CCDC30: variants seen among roughly 807,000 people sequenced by gnomAD.
The protein encoded by CCDC30 is coiled-coil domain-containing protein 30.
A neutral mutation model predicts 100.2 loss-of-function variants in CCDC30; 70 were observed. The observed-to-expected ratio is 0.70, with a 90% CI of 0.58 to 0.85. The LOEUF is 0.85. Among genes scored for constraint, CCDC30 ranks in the 40% least tolerant of loss-of-function variants. The pLI is 0.00. For synonymous variants in CCDC30, 233 were observed against 269.5 expected, an observed-to-expected ratio of 0.86 and a Z score of 1.33; for missense variants, 652 against 771.2, an observed-to-expected ratio of 0.85 and a Z score of 1.83.
chr1:42,499,455 T>C (rs761217161), intron 6 of CCDC30, among the ~76,000 whole-genome samples: 4 of 152,060 alleles, frequency 2.6e-5, no homozygotes, highest in Non-Finnish European at 4.4e-5. Flanking sequence ...TCTGCATTCT[T>C]AAAAAATTTA....
chr1:42,486,994 G>A (rs2148461807), intron 3 of CCDC30, among the ~76,000 whole-genome samples: 1 of 151,926 alleles, frequency 6.6e-6, no homozygotes, highest in South Asian at 2.1e-4. Context: ...TGGCATAGCT[G>A]GGCACAGTAG....
At chr1:42,514,800 C>T (rs1411621481) in intron 6 of CCDC30, among the ~76,000 whole-genome samples, 3 of 152,072 alleles carry the variant, frequency 2.0e-5, no homozygotes, top group Non-Finnish European at 2.9e-5. Context: ...ATTATAGGCA[C>T]CTGCCATCAT....
chr1:42,501,641 T>G (rs1416498193), intron 6 of CCDC30, among the ~76,000 whole-genome samples: 1 of 152,240 alleles, frequency 6.6e-6, no homozygotes, highest in Non-Finnish European at 1.5e-5. Flanking sequence ...TTGGTGTGGA[T>G]GTCCTTTCTG....
At chr1:42,481,626 A>G (rs1016868288) in intron 2 of CCDC30, among the ~76,000 whole-genome samples, 7 of 147,994 alleles carry the variant, frequency 4.7e-5, no homozygotes, top group Non-Finnish European at 1.0e-4. Flanking sequence ...CATATTTTTT[A>G]TTTACAAATA....
intron 6 of CCDC30, among the ~76,000 whole-genome samples, chr1:42,511,270 A>C (rs1177600432): frequency 6.6e-6 from 1 of 152,036 alleles, no homozygotes; most frequent in Non-Finnish European, 1.5e-5. Context: ...CTAGTCCTCC[A>C]CTTGTGATTT....
rs12042006 is a variant in CCDC30, at chr1:42,569,949, C to T, written c.636+3474C>T. 1.8e-4 allele frequency among the ~76,000 whole-genome samples: 28 copies of T among 151,786 alleles called. 1 individual carries two copies. Among genetic ancestry groups the T allele is most frequent in the African/African-American group, 5.6e-4 (23 of 41,382 alleles). ...AATGAGAACACATGGACACAGGGAG[C>T]GGAACATTACACACCAGGGCCTGTC... On this transcript the variant is annotated intron_variant, in intron 7 of 16. Coordinates refer to ENST00000668663, the Ensembl canonical transcript of CCDC30.
chr1:42,516,269 T>A (rs1225413243), intron 6 of CCDC30, among the ~76,000 whole-genome samples: 1 of 152,162 alleles, frequency 6.6e-6, no homozygotes, highest in Non-Finnish European at 1.5e-5. Flanking sequence ...ATGGTTTGGA[T>A]ATGGCTTGTC....
At chr1:42,601,846 C>A (rs1264200941) in intron 10 of CCDC30, among the ~76,000 whole-genome samples, 1 of 152,146 alleles carries the variant, frequency 6.6e-6, no homozygotes, top group African/African-American at 2.4e-5. Context: ...GAGACCGTGA[C>A]CAGCCCTAAC....
intron 6 of CCDC30, among the ~76,000 whole-genome samples, chr1:42,554,164 A>G (rs1300948548): frequency 2.0e-5 from 3 of 151,640 alleles, no homozygotes; most frequent in Non-Finnish European, 4.4e-5. Flanking sequence ...CCATATCTCT[A>G]TTTAGTATGA....
intron 11 of CCDC30, among the ~76,000 whole-genome samples, chr1:42,634,742 T>A (rs1002027454): frequency 6.6e-6 from 1 of 152,352 alleles, no homozygotes; most frequent in Admixed American, 6.5e-5. Context: ...GTTTAAAGTG[T>A]ATAGTTCAAT....
intron 8 of CCDC30, among the ~76,000 whole-genome samples, chr1:42,580,385 A>G (rs1470443426): frequency 6.6e-6 from 1 of 152,194 alleles, no homozygotes; most frequent in Non-Finnish European, 1.5e-5. Flanking sequence ...AAAACGGGTG[A>G]CACCCACTGG....
intron 7 of CCDC30, among the ~76,000 whole-genome samples, chr1:42,573,612 A>G (rs189854457): frequency 2.0e-4 from 30 of 152,214 alleles, no homozygotes; most frequent in African/African-American, 6.7e-4. Flanking sequence ...TGGCTACCAC[A>G]GTGCTGAATA....
chr1:42,651,502 T>C (rs746952555), intron 15 of CCDC30, among the ~76,000 whole-genome samples: 33 of 151,582 alleles, frequency 2.2e-4, no homozygotes, highest in Non-Finnish European at 3.7e-4. Context: ...TGAATCGTTA[T>C]GGAAATGCAC....
chr1:42,483,494 G>C (rs371935977), intron 3 of CCDC30, among the ~76,000 whole-genome samples: 2 of 152,114 alleles, frequency 1.3e-5, no homozygotes, highest in Non-Finnish European at 1.5e-5. Context: ...TGAGATTTTA[G>C]TTCCTCCACC....
intron 9 of CCDC30, among the ~76,000 whole-genome samples, chr1:42,584,557 C>T (rs34867691): frequency 0.038 from 5,827 of 152,186 alleles, 153 homozygotes; most frequent in Non-Finnish European, 0.058. Flanking sequence ...GGCGCCACTG[C>T]ACTCCAACGT....
rs778212628 is a variant in CCDC30, at chr1:42,512,046, CT to C, written c.456+13132del. On this transcript the variant is annotated intron_variant, in intron 6 of 16. Transcript: ENST00000668663. ...GATTGTAGATTAACTAAAAGTATTC[CT>C]TACGGGAAACAAAGGGATGGGCCGA... Among the ~76,000 whole-genome samples the C allele has an allele frequency of 3.9e-5, 6 of 152,192 alleles. No individual in the cohort carries two copies. In the East Asian group the frequency reaches 7.7e-4, roughly 20 times the overall value.
At chr1:42,650,379 GGGA>G in intron 15 of CCDC30, among the ~76,000 whole-genome samples, 1 of 152,018 alleles carries the variant, frequency 6.6e-6, no homozygotes, top group East Asian at 1.9e-4. Flanking sequence ...TCAGCTACTT[GGGA>G]GGCTGAGGCA....
upstream of CCDC30, among the ~76,000 whole-genome samples, chr1:42,462,590 G>C (rs1410116849): frequency 2.0e-5 from 3 of 152,160 alleles, no homozygotes; most frequent in African/African-American, 7.2e-5. Flanking sequence ...AGCAAAGCAA[G>C]GGCCCCCAAA....
At chr1:42,624,129 A>C (rs2148661088) in intron 11 of CCDC30, among the ~76,000 whole-genome samples, 1 of 152,232 alleles carries the variant, frequency 6.6e-6, no homozygotes, top group South Asian at 2.1e-4. Context: ...GTACTTCTTT[A>C]ATGGAGTCTT....
Sources: gnomAD v4.1 joint callset for allele counts (sites outside exome capture counted in the v4.1 genomes callset) on GRCh38, gnomAD v4.1.1 for gene constraint, MANE v1.5 for transcripts, NCBI Gene and HGNC (gene_info 2026-07-23, HGNC 2026-07-21) for gene names.